The following SEMA5A variants were observed in gnomAD, a reference collection of about 807,000 sequenced individuals.
SEMA5A encodes semaphorin-5A.
In SEMA5A, 55 loss-of-function variants were observed where a neutral mutation model predicts 135.5. That is an observed-to-expected ratio of 0.41 (90% CI 0.33 to 0.51). The LOEUF is 0.51. Among genes scored for constraint, SEMA5A ranks in the 20% least tolerant of loss-of-function variants. SEMA5A has a pLI of 0.37. For missense variants in SEMA5A, 1,290 were observed against 1,419.9 expected (o/e 0.91, Z 1.47); for synonymous variants, 580 against 546.5 (o/e 1.06, Z -0.85).
chr5:9,274,588 A>C (rs777226068), intron 5 of SEMA5A, among the ~76,000 whole-genome samples: 1 of 152,130 alleles, frequency 6.6e-6, no homozygotes, highest in Non-Finnish European at 1.5e-5. Context: ...GATGTAAAAC[A>C]CTCCTCAGCA....
intron 12 of SEMA5A, 79 bp downstream of exon 12, chr5:9,154,409 C>T (rs1742835337): frequency 7.4e-7 from 1 of 1,359,626 alleles, no homozygotes; most frequent in Non-Finnish European, 1.0e-6. Context: ...AACTTCAGGG[C>T]ATCTGAAGCC....
chr5:9,402,819 GT>G, intron 2 of SEMA5A, among the ~76,000 whole-genome samples: 1 of 152,248 alleles, frequency 6.6e-6, no homozygotes, highest in Non-Finnish European at 1.5e-5. Context: ...CAGTATCCTG[GT>G]TGAATCATTC....
intron 1 of SEMA5A, among the ~76,000 whole-genome samples, chr5:9,509,966 G>C (rs1235462349): frequency 6.6e-6 from 1 of 152,164 alleles, no homozygotes; most frequent in Non-Finnish European, 1.5e-5. Flanking sequence ...TAATAGGAGG[G>C]AGAAAGGAAC....
intron 3 of SEMA5A, among the ~76,000 whole-genome samples, chr5:9,375,676 G>A (rs1326114274): frequency 6.6e-6 from 1 of 150,508 alleles, no homozygotes; most frequent in Non-Finnish European, 1.5e-5. Context: ...CTCAGAAAGT[G>A]ACGAATTGTC....
intron 1 of SEMA5A, among the ~76,000 whole-genome samples, chr5:9,525,132 C>T (rs1338279058): frequency 6.6e-6 from 1 of 152,178 alleles, no homozygotes; most frequent in African/African-American, 2.4e-5. Flanking sequence ...AAATCTGGCC[C>T]ACTGCTTCTT....
At chr5:9,277,028 C>G (rs1561098885) in intron 5 of SEMA5A, among the ~76,000 whole-genome samples, 2 of 151,942 alleles carry the variant, frequency 1.3e-5, no homozygotes, top group Admixed American at 1.3e-4. Context: ...AACAGGCAAC[C>G]CAAAGAAAGG....
At chr5:9,509,259 AATTATTATTATTATT>A (rs112585205) in intron 1 of SEMA5A, among the ~76,000 whole-genome samples, 1 of 149,918 alleles carries the variant, frequency 6.7e-6, no homozygotes, top group African/African-American at 2.5e-5. Flanking sequence ...TCCAACATAA[AATTATTATTATTATT>A]ATTATTATTA....
intron 14 of SEMA5A, among the ~76,000 whole-genome samples, 191 bp downstream of exon 14, chr5:9,122,465 G>A (rs1486739889): frequency 3.3e-5 from 5 of 152,306 alleles, no homozygotes; most frequent in East Asian, 1.9e-4. Flanking sequence ...GTGAATAAGC[G>A]TAGATCTGTA....
intron 5 of SEMA5A, among the ~76,000 whole-genome samples, chr5:9,255,001 G>A (rs572094836): frequency 3.3e-5 from 5 of 152,208 alleles, no homozygotes; most frequent in South Asian, 2.1e-4. Context: ...CAATGAGAAC[G>A]GGGAACCAGC....
Position 9,374,669 on chromosome 5 carries a change from G to A in SEMA5A, c.124+5154C>T, listed in dbSNP as rs368732447. On this transcript the variant is annotated intron_variant, in intron 3 of 22. Transcript: ENST00000382496. ...TGTGTGTGTGTGTGACAGAGAGAGA[G>A]AAAAATAGTTTTATTCCCTCCTCAG... Among the ~76,000 whole-genome samples, 3 of 151,614 alleles carry A rather than the reference G, an allele frequency of 2.0e-5. No individual in the cohort carries two copies. In the East Asian group the frequency reaches 5.8e-4, roughly 29 times the overall value.
intron 12 of SEMA5A, among the ~76,000 whole-genome samples, chr5:9,142,815 T>A (rs1405267411): frequency 6.6e-6 from 1 of 152,050 alleles, no homozygotes; most frequent in Non-Finnish European, 1.5e-5. Context: ...AATAGAAAAA[T>A]TAACCGGGCA....
intron 12 of SEMA5A, 71 bp downstream of exon 12, chr5:9,154,417 G>T: frequency 6.8e-7 from 1 of 1,468,166 alleles, no homozygotes; most frequent in Non-Finnish European, 9.4e-7. Flanking sequence ...GGCATCTGAA[G>T]CCTCCCTGGC....
rs557397142 is a variant in SEMA5A at position 9,204,218 on chromosome 5, C to T, written c.647-1978G>A. On this transcript the variant is annotated intron_variant, in intron 8 of 22. Coordinates refer to ENST00000382496, the MANE Select transcript of SEMA5A (RefSeq NM_003966.3). The surrounding 1 kb of genome is among the most constrained non-coding windows in gnomAD (Gnocchi z 6.4). ...CAAACAACAACAACAAAAACAGCAA[C>T]AAGCAACCCTTCCTAAAATGTGGAA... Among the ~76,000 whole-genome samples, 6 of 152,284 alleles carry T rather than the reference C, an allele frequency of 3.9e-5. No individual in the cohort carries two copies. In the South Asian group the frequency reaches 1.2e-3, roughly 32 times the overall value.
At chr5:9,423,388 A>C (rs1757536616) in intron 2 of SEMA5A, among the ~76,000 whole-genome samples, 1 of 152,208 alleles carries the variant, frequency 6.6e-6, no homozygotes, top group Non-Finnish European at 1.5e-5. Context: ...TATTTTGACA[A>C]GTTCTTGATC....
intron 3 of SEMA5A, among the ~76,000 whole-genome samples, chr5:9,341,675 T>A (rs1010097722): frequency 2.6e-4 from 5 of 19,460 alleles, no homozygotes; most frequent in Non-Finnish European, 1.0e-3. Context: ...TAATATATAT[T>A]ATATATATAT....
intron 16 of SEMA5A, among the ~76,000 whole-genome samples, chr5:9,090,340 T>C (rs1738962948): frequency 6.6e-6 from 1 of 152,244 alleles, no homozygotes; most frequent in Non-Finnish European, 1.5e-5. Flanking sequence ...GTGAACCTGC[T>C]ACAAAAGTCC....
chr5:9,465,136 G>A (rs532003724), intron 1 of SEMA5A, among the ~76,000 whole-genome samples: 15 of 152,348 alleles, frequency 9.8e-5, no homozygotes, highest in African/African-American at 3.1e-4. Context: ...CCCCAGGCCC[G>A]CTCCTGACTT....
chr5:9,046,913 C>T (rs1459164099), intron 21 of SEMA5A, among the ~76,000 whole-genome samples: 1 of 152,198 alleles, frequency 6.6e-6, no homozygotes, highest in African/African-American at 2.4e-5. Flanking sequence ...ATCACTCACT[C>T]ACTCACTCAC....
chr5:9,038,341 G>C lies in SEMA5A; in HGVS notation c.*4556C>G, dbSNP rs1735764545. 1 of 152,174 alleles carries C rather than the reference G, an allele frequency of 6.6e-6. No homozygotes were observed. Among genetic ancestry groups the C allele is most frequent in the Non-Finnish European group, 1.5e-5 (1 of 68,044 alleles). The allele number at this position is 152,174 out of a possible 1,614,324, so 9.4% of individuals were successfully genotyped here. A position where few individuals can be genotyped will look rare whatever the true frequency, so the allele number is the denominator to read the frequency against. On this transcript the variant is annotated 3_prime_UTR_variant, in exon 23 of 23. Transcript: ENST00000382496. ...CAACCATTAGTACCTGTTGCCTCTG[G>C]TTCTGTGTTCCAGAGCCATCTCTTG...
Sources: allele counts gnomAD v4.1 joint callset (sites outside exome capture counted in the v4.1 genomes callset), GRCh38; gene constraint gnomAD v4.1.1; non-coding constraint Gnocchi (gnomAD v3.1); transcripts MANE v1.5; gene names NCBI Gene and HGNC (gene_info 2026-07-23, HGNC 2026-07-21).